The following DPY19L2 variants were observed in gnomAD, a reference collection of about 807,000 sequenced individuals.
DPY19L2 encodes probable C-mannosyltransferase DPY19L2.
In DPY19L2, 34 loss-of-function variants were observed where a neutral mutation model predicts 97.9. The ratio of observed to expected loss-of-function variants is 0.35; its 90% CI spans 0.26 to 0.46. The LOEUF (loss-of-function observed/expected upper bound fraction) is 0.46. Among genes scored for constraint, DPY19L2 ranks in the 20% least tolerant of loss-of-function variants. The probability of loss-of-function intolerance (pLI) is 1.00; values close to 1 mark genes in which losing one functional copy is unlikely to be tolerated. For missense variants in DPY19L2, 623 were observed against 911.4 expected (o/e 0.68, Z 4.07); for synonymous variants, 230 against 307.9 (o/e 0.75, Z 2.65).
chr12:63,642,627 C>T (rs1449411919), intron 6 of DPY19L2, among the ~76,000 whole-genome samples: 20 of 152,060 alleles, frequency 1.3e-4, no homozygotes, highest in Admixed American at 1.3e-3. Context: ...ATGTACATTT[C>T]TGCTTCTGGG....
intron 6 of DPY19L2, among the ~76,000 whole-genome samples, chr12:63,633,041 T>C (rs1257150629): frequency 6.6e-6 from 1 of 152,158 alleles, no homozygotes; most frequent in Non-Finnish European, 1.5e-5. Flanking sequence ...GATCCCTTCC[T>C]TACACCTTTT....
At chr12:63,591,988 AGGG>A (rs1883053582) in intron 16 of DPY19L2, among the ~76,000 whole-genome samples, 2 of 35,862 alleles carry the variant, frequency 5.6e-5, no homozygotes, top group African/African-American at 3.4e-4. Context: ...GGGGAAGGGA[AGGG>A]AAGGGAGGGG....
In DPY19L2 at chr12:63,668,141, C is replaced by A. The variant is rs1896551480; in HGVS notation, c.253G>T (p.Val85Phe). The change falls in exon 1 of 22, where the codon GTC becomes TTC. Residue 85 changes from valine (V) to phenylalanine (F), a missense_variant. By Grantham distance (50) the Val-to-Phe change is conservative. Coordinates refer to ENST00000324472, the MANE Select transcript of DPY19L2 (RefSeq NM_173812.5). ...CGGAGCTGCGCCAGGGAATTACGGA[C>A]GAACTGGAAGGGGCCGAGAAGAAAG... is the stretch of plus-strand genomic sequence containing the variant. ...KTFLLGPFQF[V>F]RNSLAQLREK... 6.2e-7 allele frequency: 1 copy of A among 1,613,914 alleles called. No homozygotes were observed. Among genetic ancestry groups the A allele is most frequent in the Non-Finnish European group, 8.5e-7 (1 of 1,179,990 alleles).
chr12:63,666,527 T>G (rs1397417853), intron 1 of DPY19L2: 1 of 447,592 alleles, frequency 2.2e-6, no homozygotes, highest in African/African-American at 2.0e-5. Context: ...ACGCAGCCTG[T>G]GCCCGTTTGG....
chr12:63,659,817 CAG>C (rs1376708901), intron 4 of DPY19L2, among the ~76,000 whole-genome samples: 3 of 151,998 alleles, frequency 2.0e-5, no homozygotes, highest in African/African-American at 7.3e-5. Context: ...TGTCAAAACT[CAG>C]AGAATGGTAC....
At chr12:63,591,825 C>A (rs1882977671) in intron 16 of DPY19L2, among the ~76,000 whole-genome samples, 1 of 150,976 alleles carries the variant, frequency 6.6e-6, no homozygotes, top group South Asian at 2.1e-4. Context: ...CACCTGTAGT[C>A]CCAGCTGACT....
At chr12:63,614,544 T>C (rs2137723556) in intron 11 of DPY19L2, among the ~76,000 whole-genome samples, 1 of 152,248 alleles carries the variant, frequency 6.6e-6, no homozygotes, top group Non-Finnish European at 1.5e-5. Context: ...AAAAATTCTT[T>C]ATTTCTCATA....
intron 6 of DPY19L2, among the ~76,000 whole-genome samples, chr12:63,641,112 G>A (rs531074763): frequency 7.9e-5 from 12 of 152,108 alleles, no homozygotes; most frequent in Non-Finnish European, 1.5e-4. Flanking sequence ...CACCTTGTTA[G>A]CCAGGTTGGT....
At chr12:63,626,061 TC>T (rs1274575193) in intron 7 of DPY19L2, among the ~76,000 whole-genome samples, 2 of 149,040 alleles carry the variant, frequency 1.3e-5, no homozygotes, top group Non-Finnish European at 3.0e-5. Flanking sequence ...TCCAGCTTCA[TC>T]ATGTAGTAAA....
In DPY19L2 at chr12:63,560,274, G is replaced by A. The variant is rs2137226822; in HGVS notation, c.*238C>T. 5.8e-6 allele frequency: 2 copies of A among 347,450 alleles called. No homozygotes were observed. Among genetic ancestry groups the A allele is most frequent in the Middle Eastern group, 8.3e-4 (1 of 1,212 alleles). 21.5% of individuals were successfully genotyped at this position (347,450 alleles called of 1,614,324 possible). Reference sequence around the variant, plus strand: ...CTTTAAAATTCTGAAATGAACATTTGTTTATGCAGTATGACATGAATGATT... The same window carrying A: ...CTTTAAAATTCTGAAATGAACATTTATTTATGCAGTATGACATGAATGATT... On this transcript the variant is annotated 3_prime_UTR_variant, in exon 22 of 22. Coordinates refer to ENST00000324472, the MANE Select transcript of DPY19L2 (RefSeq NM_173812.5).
intron 6 of DPY19L2, among the ~76,000 whole-genome samples, chr12:63,639,814 C>G (rs1350838967): frequency 6.6e-6 from 1 of 152,122 alleles, no homozygotes; most frequent in African/African-American, 2.4e-5. Flanking sequence ...AGATCTAGAA[C>G]TAGAAATACC....
chr12:63,623,804 A>C, intron 8 of DPY19L2: 1 of 359,210 alleles, frequency 2.8e-6, no homozygotes. Flanking sequence ...TCCTGGGTTC[A>C]AGCAATTCTC....
chr12:63,664,124 G>A (rs1346147557), intron 2 of DPY19L2, among the ~76,000 whole-genome samples: 1 of 151,960 alleles, frequency 6.6e-6, no homozygotes, highest in Non-Finnish European at 1.5e-5. Flanking sequence ...ATCACTTGAG[G>A]TGAGGAGTTC....
chr12:63,565,289 G>T (rs1877444200), intron 21 of DPY19L2, among the ~76,000 whole-genome samples: 1 of 152,050 alleles, frequency 6.6e-6, no homozygotes, highest in Non-Finnish European at 1.5e-5. Flanking sequence ...TTCAAAGTTT[G>T]GAGCTCGTAA....
At chr12:63,597,048 T>C (rs182937139) in intron 14 of DPY19L2, among the ~76,000 whole-genome samples, 29 of 152,134 alleles carry the variant, frequency 1.9e-4, no homozygotes, top group Non-Finnish European at 2.8e-4. Flanking sequence ...TCTCAGCTCA[T>C]TGCAATCTCC....
chr12:63,571,634 G>A (rs941657129), intron 19 of DPY19L2, among the ~76,000 whole-genome samples: 13 of 152,168 alleles, frequency 8.5e-5, no homozygotes, highest in Admixed American at 2.6e-4. Flanking sequence ...TTTTCTTCCC[G>A]CAGATCATCT....
intron 6 of DPY19L2, among the ~76,000 whole-genome samples, chr12:63,640,969 T>C (rs958324332): frequency 2.0e-5 from 3 of 152,194 alleles, no homozygotes; most frequent in African/African-American, 7.2e-5. Context: ...GTCGGCTCAC[T>C]GCAAGCTCTG....
At chr12:63,659,785 T>C (rs775831128) in intron 4 of DPY19L2, among the ~76,000 whole-genome samples, 2 of 152,144 alleles carry the variant, frequency 1.3e-5, no homozygotes, top group Admixed American at 6.5e-5. Flanking sequence ...ATTGTGGTGA[T>C]GGATATATAG....
intron 6 of DPY19L2, among the ~76,000 whole-genome samples, chr12:63,634,523 C>G (rs1301528977): frequency 6.6e-6 from 1 of 152,182 alleles, no homozygotes; most frequent in Non-Finnish European, 1.5e-5. Context: ...GGGGAATTCC[C>G]TTTCCTAGCC....
Sources: allele counts gnomAD v4.1 joint callset (sites outside exome capture counted in the v4.1 genomes callset), GRCh38; gene constraint gnomAD v4.1.1; transcripts MANE v1.5; gene names NCBI Gene and HGNC (gene_info 2026-07-23, HGNC 2026-07-21).